EPB41L5: variants seen among roughly 807,000 people sequenced by gnomAD.
The protein encoded by EPB41L5 is erythrocyte membrane protein band 4.1 like 5, also known as band 4.1-like protein 5.
EPB41L5 carries 55 observed loss-of-function variants against 106.6 expected under a neutral mutation model. That is an observed-to-expected ratio of 0.52 (90% confidence interval 0.42 to 0.65). The LOEUF is 0.65. Ranked by LOEUF, EPB41L5 falls within the 30% of genes least tolerant of loss-of-function variation. EPB41L5 has a pLI of 0.00. For missense variants in EPB41L5, 871 were observed against 882.1 expected (o/e 0.99, Z 0.16); for synonymous variants, 297 against 306.7 (o/e 0.97, Z 0.33).
intron 4 of EPB41L5, 67 bp downstream of exon 4, chr2:120,073,287 A>T: frequency 1.6e-6 from 2 of 1,282,696 alleles, no homozygotes; most frequent in Non-Finnish European, 2.2e-6. Context: ...TCTGATTTCT[A>T]ATAGGATGTA....
intron 16 of EPB41L5, chr2:120,105,642 T>G (rs1000709678): frequency 1.0e-6 from 1 of 985,170 alleles, no homozygotes; most frequent in African/African-American, 1.7e-5. Context: ...CTCAAAGTAT[T>G]TAGCACATCC....
intron 10 of EPB41L5, among the ~76,000 whole-genome samples, chr2:120,083,626 G>C (rs1227055325): frequency 6.6e-6 from 1 of 152,182 alleles, no homozygotes; most frequent in African/African-American, 2.4e-5. Context: ...AGTTCCGCTT[G>C]ATGCAGAGCT....
chr2:120,137,637 A>G (rs1330869275), intron 18 of EPB41L5, among the ~76,000 whole-genome samples: 1 of 152,034 alleles, frequency 6.6e-6, no homozygotes, highest in African/African-American at 2.4e-5. Context: ...CATGCAGCCT[A>G]CCAGGACTGA....
chr2:120,064,491 C>T (rs2105292645), intron 3 of EPB41L5, among the ~76,000 whole-genome samples: 1 of 152,212 alleles, frequency 6.6e-6, no homozygotes, highest in South Asian at 2.1e-4. Context: ...GTTTTATGGA[C>T]ACTCCCTACC....
At chr2:120,089,237 T>G (rs982988323) in intron 11 of EPB41L5, among the ~76,000 whole-genome samples, 1 of 152,122 alleles carries the variant, frequency 6.6e-6, no homozygotes, top group Non-Finnish European at 1.5e-5. Flanking sequence ...GATTTAACAT[T>G]TTTTACATTT....
In EPB41L5 at chr2:120,078,702, A is replaced by G. The variant is rs945045801; in HGVS notation, c.803+121A>G. 6.5e-5 allele frequency: 39 copies of G among 603,514 alleles called. 1 individual carries two copies. The highest frequency in any genetic ancestry group is 6.1e-5 in the South Asian group (3 of 49,410). The allele number at this position is 603,514 out of a possible 1,614,324, so 37.4% of individuals were successfully genotyped here. On this transcript the variant is annotated intron_variant, in intron 10 of 24. Transcript: ENST00000263713. ...TTTGAAAAACTTGTCAATGAAAGCA[A>G]CTGTCTCCTGTCACACTATTACGCA...
At chr2:120,092,752 C>T (rs542114218) in intron 13 of EPB41L5, among the ~76,000 whole-genome samples, 6 of 152,148 alleles carry the variant, frequency 3.9e-5, no homozygotes, top group Non-Finnish European at 5.9e-5. Context: ...ATTTTAAAAC[C>T]CTAAGTTTCC....
chr2:120,050,034 C>T lies in EPB41L5; in HGVS notation c.285+7924C>T, dbSNP rs1680115946. 2.0e-5 allele frequency among the ~76,000 whole-genome samples: 3 copies of T among 152,344 alleles called. No homozygotes were observed. In the South Asian group the frequency reaches 6.2e-4, roughly 32 times the overall value. ...TGTAGAGTTTCTGCCAAGAGATCCACTGTTAGTCTGATGGGCTTCCCTTTG... is the reference window on the plus strand; with the variant it reads ...TGTAGAGTTTCTGCCAAGAGATCCATTGTTAGTCTGATGGGCTTCCCTTTG... On this transcript the variant is annotated intron_variant, in intron 3 of 24. Coordinates refer to ENST00000263713, the MANE Select transcript of EPB41L5 (RefSeq NM_020909.4).
intron 6 of EPB41L5, 52 bp from the exon 7 acceptor site, chr2:120,075,649 A>C (rs1322676994): frequency 2.7e-5 from 40 of 1,503,582 alleles, no homozygotes; most frequent in South Asian, 5.7e-5. Context: ...ATTTGTCTTA[A>C]AATGAAGGTT....
In EPB41L5 at chr2:120,129,039, A is replaced by G. The variant is rs188686585; in HGVS notation, c.1501+1188A>G. ...GACACTGAGGATTCCTAAAGGAGGG[A>G]TGGACTGGGAAAGGGCTGAAAAACT... On this transcript the variant is annotated intron_variant, in intron 17 of 24. Coordinates refer to ENST00000263713, the MANE Select transcript of EPB41L5 (RefSeq NM_020909.4). Among the ~76,000 whole-genome samples the G allele has an allele frequency of 1.2e-4, 19 of 152,282 alleles. 1 individual carries two copies. The highest frequency in any genetic ancestry group is 3.4e-4 in the African/African-American group (14 of 41,568).
chr2:120,089,863 C>G (rs988350667), intron 11 of EPB41L5, among the ~76,000 whole-genome samples: 5 of 151,932 alleles, frequency 3.3e-5, no homozygotes, highest in African/African-American at 1.2e-4. Flanking sequence ...GCCTCAGTTT[C>G]CTTATCTATG....
Position 120,080,961 on chromosome 2 carries a change from T to C in EPB41L5, c.803+2380T>C, listed in dbSNP as rs529651788. ...CCACTTTTTGGTGGGGTTGTTTGTTTTTTTTTCTTGTAAATTTGTTTGAGT... is the reference window on the plus strand; with the variant it reads ...CCACTTTTTGGTGGGGTTGTTTGTTCTTTTTTCTTGTAAATTTGTTTGAGT... On this transcript the variant is annotated intron_variant, in intron 10 of 24. Transcript: ENST00000263713. Among the ~76,000 whole-genome samples, 74 of 152,278 alleles carry C rather than the reference T, an allele frequency of 4.9e-4. No homozygotes were observed. In the South Asian group the frequency reaches 0.014, roughly 29 times the overall value.
At chr2:120,073,357 T>G in intron 4 of EPB41L5, 137 bp downstream of exon 4, 1 of 749,114 alleles carries the variant, frequency 1.3e-6, no homozygotes, top group Non-Finnish European at 2.2e-6. Flanking sequence ...TATTTTATTC[T>G]GATACACTGA....
chr2:120,083,779 T>A (rs1166073775), intron 10 of EPB41L5, among the ~76,000 whole-genome samples: 1 of 152,198 alleles, frequency 6.6e-6, no homozygotes, highest in Non-Finnish European at 1.5e-5. Flanking sequence ...TGAATCTGGG[T>A]GCTCCTGTAT....
intron 16 of EPB41L5, chr2:120,106,026 C>T (rs1414238605): frequency 2.0e-6 from 2 of 984,172 alleles, no homozygotes; most frequent in East Asian, 1.1e-4. Context: ...TCATATAATG[C>T]CCCATATATA....
In EPB41L5 at chr2:120,041,920, A is replaced by G. The variant is rs549479896; in HGVS notation, c.181-86A>G. ...TTGCAAGTCCTCCTTTCTTCAAGAG[A>G]TCTTGTATAACTAAAACCTTCTTTT... On this transcript the variant is annotated intron_variant, in intron 2 of 24. Coordinates refer to ENST00000263713, the MANE Select transcript of EPB41L5 (RefSeq NM_020909.4). The G allele has an allele frequency of 1.8e-5, 17 of 925,498 alleles. No individual in the cohort carries two copies. The South Asian group carries it at 2.6e-4, about 14-fold the overall frequency. 57.3% of individuals were successfully genotyped at this position (925,498 alleles called of 1,614,324 possible).
At chr2:120,119,345 G>T (rs1236031950) in intron 16 of EPB41L5, among the ~76,000 whole-genome samples, 1 of 151,928 alleles carries the variant, frequency 6.6e-6, no homozygotes, top group Admixed American at 6.6e-5. Context: ...CTGTACAGAA[G>T]CTCTTTAGTT....
intron 16 of EPB41L5, among the ~76,000 whole-genome samples, chr2:120,121,099 A>G (rs1685197324): frequency 6.6e-6 from 1 of 152,212 alleles, no homozygotes; most frequent in African/African-American, 2.4e-5. Flanking sequence ...CCTGGGCAAT[A>G]AGAGCAAAAC....
intron 17 of EPB41L5, among the ~76,000 whole-genome samples, chr2:120,130,451 A>T (rs1685642490): frequency 6.6e-6 from 1 of 152,260 alleles, no homozygotes; most frequent in East Asian, 1.9e-4. Flanking sequence ...ATGGTAACTA[A>T]AATAGCTTGT....
Sources: gnomAD v4.1 joint callset for allele counts (sites outside exome capture counted in the v4.1 genomes callset) on GRCh38, gnomAD v4.1.1 for gene constraint, MANE v1.5 for transcripts, NCBI Gene and HGNC (gene_info 2026-07-23, HGNC 2026-07-21) for gene names.